Variants in CD38 observed in about 807,000 individuals in gnomAD.
The protein encoded by CD38 is CD38 molecule, also known as ADP-ribosyl cyclase/cyclic ADP-ribose hydrolase 1.
CD38 carries 31 observed loss-of-function variants against 36.3 expected under a neutral mutation model. The observed-to-expected ratio is 0.85, with a 90% CI of 0.64 to 1.15. The LOEUF is 1.15. Among genes scored for constraint, CD38 ranks in the 50% most tolerant of loss-of-function variants. The pLI, the probability that CD38 is intolerant of heterozygous loss-of-function variation, is 0.00. For synonymous variants in CD38, 131 were observed against 135.2 expected (o/e 0.97, Z 0.22); for missense variants, 380 against 371.9 (o/e 1.02, Z -0.18).
intron 1 of CD38, among the ~76,000 whole-genome samples, chr4:15,811,156 C>T (rs1295178832): frequency 6.6e-6 from 1 of 152,170 alleles, no homozygotes; most frequent in Non-Finnish European, 1.5e-5. Context: ...CTCTTTACTA[C>T]TCTGGATGCA....
At chr4:15,823,598 G>C (rs1257101922) in intron 2 of CD38, among the ~76,000 whole-genome samples, 1 of 152,182 alleles carries the variant, frequency 6.6e-6, no homozygotes, top group Non-Finnish European at 1.5e-5. Flanking sequence ...GGTCATTAGA[G>C]AAATGCAAAT....
At chr4:15,843,298 TC>T (rs1724243737) in intron 7 of CD38, among the ~76,000 whole-genome samples, 1 of 72,240 alleles carries the variant, frequency 1.4e-5, no homozygotes, top group Non-Finnish European at 2.5e-5. Flanking sequence ...AAATTTCATA[TC>T]CAGCCAAACT....
Position 15,823,957 on chromosome 4 carries a change from A to T in CD38, c.364-924A>T, listed in dbSNP as rs552463462. Among the ~76,000 whole-genome samples the T allele has an allele frequency of 5.9e-5, 9 of 152,308 alleles. No homozygotes were observed. The South Asian group carries it at 1.2e-3, about 21-fold the overall frequency. ...GAAAATGTGGTACGTATACACCATGAAATATTATGCAGCCATAAAAAGGAA... is the reference window on the plus strand; with the variant it reads ...GAAAATGTGGTACGTATACACCATGTAATATTATGCAGCCATAAAAAGGAA... On this transcript the variant is annotated intron_variant, in intron 2 of 7. Coordinates refer to ENST00000226279, the MANE Select transcript of CD38 (RefSeq NM_001775.4).
At chr4:15,829,723 A>C (rs1422094700) in intron 3 of CD38, among the ~76,000 whole-genome samples, 1 of 151,576 alleles carries the variant, frequency 6.6e-6, no homozygotes, top group African/African-American at 2.4e-5. Context: ...AACCATCCCC[A>C]CCTCCCCACA....
At chr4:15,788,343 A>T (rs1722886878) in intron 1 of CD38, among the ~76,000 whole-genome samples, 1 of 152,164 alleles carries the variant, frequency 6.6e-6, no homozygotes, top group Non-Finnish European at 1.5e-5. Flanking sequence ...GTGATTCTGC[A>T]TTAGAAACAT....
At chr4:15,794,636 G>GA (rs1012771909) in intron 1 of CD38, among the ~76,000 whole-genome samples, 2 of 151,942 alleles carry the variant, frequency 1.3e-5, no homozygotes, top group African/African-American at 4.8e-5. Flanking sequence ...ACAAATTCAA[G>GA]AAAAAAACAG....
intron 3 of CD38, among the ~76,000 whole-genome samples, chr4:15,826,434 A>G (rs900281102): frequency 1.3e-5 from 2 of 149,202 alleles, no homozygotes; most frequent in Non-Finnish European, 3.0e-5. Context: ...CTATTATGTC[A>G]TTATTGTAAG....
chr4:15,840,753 C>T (rs1724189341), intron 7 of CD38, among the ~76,000 whole-genome samples: 1 of 152,176 alleles, frequency 6.6e-6, no homozygotes, highest in African/African-American at 2.4e-5. Flanking sequence ...TGCCTTTCCT[C>T]ATCCGTCTCT....
chr4:15,788,076 T>G (rs774844593), intron 1 of CD38, among the ~76,000 whole-genome samples: 1 of 152,208 alleles, frequency 6.6e-6, no homozygotes, highest in African/African-American at 2.4e-5. Flanking sequence ...TCAAAAGGTC[T>G]TCTTCTTTCC....
intron 3 of CD38, among the ~76,000 whole-genome samples, chr4:15,829,447 G>A (rs1462339361): frequency 6.6e-6 from 1 of 152,006 alleles, no homozygotes; most frequent in Non-Finnish European, 1.5e-5. Flanking sequence ...TGGAAGAATT[G>A]TCTTGGGCCA....
intron 1 of CD38, among the ~76,000 whole-genome samples, chr4:15,815,833 T>C (rs1723583063): frequency 6.6e-6 from 1 of 152,332 alleles, no homozygotes; most frequent in East Asian, 1.9e-4. Flanking sequence ...GACATCCTTG[T>C]CTCGTGCCAC....
chr4:15,788,428 C>G (rs1319012331), intron 1 of CD38, among the ~76,000 whole-genome samples: 1 of 152,092 alleles, frequency 6.6e-6, no homozygotes. Context: ...ATTCCATGCA[C>G]CTTCAGTCCT....
chr4:15,789,341 G>C lies in CD38; in HGVS notation c.233+10694G>C, dbSNP rs569062952. 5.3e-5 allele frequency among the ~76,000 whole-genome samples: 8 copies of C among 152,282 alleles called. No individual in the cohort carries two copies. The South Asian group carries it at 1.7e-3, about 32-fold the overall frequency. On this transcript the variant is annotated intron_variant, in intron 1 of 7. Coordinates refer to ENST00000226279, the MANE Select transcript of CD38 (RefSeq NM_001775.4). Reference sequence around the variant, plus strand: ...TACATAGTATGGCAGATGGTGGAAAGTATTAAAAAGAGTGCTGTGTAGTGT... The same window carrying C: ...TACATAGTATGGCAGATGGTGGAAACTATTAAAAAGAGTGCTGTGTAGTGT...
intron 2 of CD38, among the ~76,000 whole-genome samples, chr4:15,819,126 A>G (rs1723676664): frequency 6.6e-6 from 1 of 152,192 alleles, no homozygotes; most frequent in Non-Finnish European, 1.5e-5. Flanking sequence ...CATAAGTGGG[A>G]GTTGAACAGT....
At chr4:15,794,623 G>A (rs1286334703) in intron 1 of CD38, among the ~76,000 whole-genome samples, 1 of 152,004 alleles carries the variant, frequency 6.6e-6, no homozygotes, top group Non-Finnish European at 1.5e-5. Context: ...AAGCTTATGT[G>A]GAACAAATTC....
intron 3 of CD38, among the ~76,000 whole-genome samples, chr4:15,826,973 G>A (rs1361536237): frequency 2.0e-5 from 3 of 151,784 alleles, no homozygotes; most frequent in Non-Finnish European, 4.4e-5. Context: ...ATCTGTATGC[G>A]GTATCTATTA....
At chr4:15,806,072 G>A (rs1356014396) in intron 1 of CD38, among the ~76,000 whole-genome samples, 1 of 152,220 alleles carries the variant, frequency 6.6e-6, no homozygotes, top group East Asian at 1.9e-4. Flanking sequence ...CTCTTTGTGA[G>A]AATGGTATAG....
At chr4:15,808,301 T>C (rs1355197046) in intron 1 of CD38, among the ~76,000 whole-genome samples, 1 of 152,206 alleles carries the variant, frequency 6.6e-6, no homozygotes, top group Non-Finnish European at 1.5e-5. Context: ...TCTTACCTGT[T>C]ACACAGTGTG....
rs1723250013 is a variant in CD38 at position 15,802,512 on chromosome 4, T to TTTTAC, written c.234-13995_234-13994insCTTTA. 2.6e-5 allele frequency among the ~76,000 whole-genome samples: 3 copies of TTTTAC among 117,110 alleles called. No homozygotes were observed. The East Asian group carries it at 6.5e-4, about 25-fold the overall frequency. 76.8% of individuals were successfully genotyped at this position (117,110 alleles called of 152,430 possible). A position where few individuals can be genotyped will look rare whatever the true frequency, so the allele number is the denominator to read the frequency against. ...GTTTGTTTTATTTTATTTTATTTTA[T>TTTTAC]TTTATTTTATTTTATTTTATTTTAT... On this transcript the variant is annotated intron_variant, in intron 1 of 7. Transcript: ENST00000226279.
Sources: allele counts gnomAD v4.1 joint callset (sites outside exome capture counted in the v4.1 genomes callset), GRCh38; gene constraint gnomAD v4.1.1; transcripts MANE v1.5; gene names NCBI Gene and HGNC (gene_info 2026-07-23, HGNC 2026-07-21).